The following SCGB1D2 variants were observed in gnomAD, a reference collection of about 807,000 sequenced individuals.
SCGB1D2 encodes the protein secretoglobin family 1D member 2.
Under a neutral mutation model 10.5 loss-of-function variants are expected in SCGB1D2, and 10 were observed. The ratio of observed to expected loss-of-function variants is 0.95; its 90% confidence interval spans 0.59 to 1.61. SCGB1D2 has a LOEUF of 1.61. Ranked by LOEUF, SCGB1D2 falls within the 40% of genes most tolerant of loss-of-function variation. The pLI, the probability that SCGB1D2 is intolerant of heterozygous loss-of-function variation, is 0.00. For missense variants in SCGB1D2, 113 were observed against 103.8 expected, an observed-to-expected ratio of 1.09 and a Z score of -0.38; for synonymous variants, 42 against 42.8, an observed-to-expected ratio of 0.98 and a Z score of 0.08.
rs780278667 is a variant in SCGB1D2 at position 62,242,370 on chromosome 11, C to T, written c.55+8C>T. 3 of 1,613,812 alleles carry T rather than the reference C, an allele frequency of 1.9e-6. No individual in the cohort carries two copies. The East Asian group carries it at 6.7e-5, about 36-fold the overall frequency. On this transcript the variant is annotated splice_region_variant and intron_variant, in intron 1 of 2. Transcript: ENST00000244926. ...CCCTCTGCTGCTACCAGGGTGAGTA[C>T]ATCAGTCATGAGTCTAGCTCCAGCC...
intron 2 of SCGB1D2, 109 bp from the exon 3 acceptor site, chr11:62,244,561 C>A: frequency 2.1e-6 from 2 of 973,696 alleles, no homozygotes; most frequent in Non-Finnish European, 3.1e-6. Context: ...TGCCTCTGCC[C>A]TTCCAATTGC....
chr11:62,244,679 T>C lies in SCGB1D2; in HGVS notation c.253T>C (p.Leu85=). The change falls in exon 3 of 3, where the codon TTG becomes CTG. Residue 85 remains leucine (L), a synonymous_variant. Transcript: ENST00000244926. ...TCTTTTCCTATTTTAGGTGAAAATA[T>C]TGAAGAAATGTAGTGTGTGACATGT... The part of the protein sequence containing the change: ...SLIAEVLVKI[L]KKCSV 1 of 1,613,302 alleles carries C rather than the reference T, an allele frequency of 6.2e-7. No homozygotes were observed. Among genetic ancestry groups the C allele is most frequent in the Non-Finnish European group, 8.5e-7 (1 of 1,179,534 alleles).
chr11:62,243,374 C>T lies in SCGB1D2; in HGVS notation c.141C>T (p.Ala47=). 1 of 1,613,940 alleles carries T rather than the reference C, an allele frequency of 6.2e-7. No homozygotes were observed. The highest frequency in any genetic ancestry group is 8.5e-7 in the Non-Finnish European group (1 of 1,179,806). ...ISEPLFKLSL[A]KFDAPPEAVA... ...AACCTCTGTTCAAGTTAAGTCTTGC[C>T]AAATTTGATGCCCCTCCGGAAGCTG... The change falls in exon 2 of 3, where the codon GCC becomes GCT. Residue 47 remains alanine (A), a synonymous_variant. Transcript: ENST00000244926.
At chr11:62,244,444 C>T (rs1047260403) in intron 2 of SCGB1D2, among the ~76,000 whole-genome samples, 4 of 152,160 alleles carry the variant, frequency 2.6e-5, no homozygotes, top group Non-Finnish European at 5.9e-5. Flanking sequence ...GGCCTCATTC[C>T]CGGATCACCC....
chr11:62,244,720 G>C lies in SCGB1D2; in HGVS notation c.*21G>C. On this transcript the variant is annotated 3_prime_UTR_variant, in exon 3 of 3. Coordinates refer to ENST00000244926, the MANE Select transcript of SCGB1D2 (RefSeq NM_006551.4). ...TGTGACATGTAAAAACTTTCATCCT[G>C]GTTTCCACTGTCTTTCAATGACACC... is the stretch of plus-strand genomic sequence containing the variant. The C allele has an allele frequency of 6.2e-7, 1 of 1,602,038 alleles. No homozygotes were observed. The highest frequency in any genetic ancestry group is 8.6e-7 in the Non-Finnish European group (1 of 1,169,506).
chr11:62,243,340 T>C lies in SCGB1D2; in HGVS notation c.107T>C (p.Phe36Ser), dbSNP rs773977209. The change falls in exon 2 of 3, where the codon TTC (phenylalanine) becomes TCC (serine). Residue 36 changes from phenylalanine to serine, a missense_variant. By Grantham distance (155) the Phe-to-Ser change is radical. Coordinates refer to ENST00000244926, the MANE Select transcript of SCGB1D2 (RefSeq NM_006551.4). Reference sequence around the variant, plus strand: ...GTTTCTGAGCTGTTAGACTTCTTCTTCATTAGTGAACCTCTGTTCAAGTTA... The same window carrying C: ...GTTTCTGAGCTGTTAGACTTCTTCTCCATTAGTGAACCTCTGTTCAAGTTA... ...ALVSELLDFF[F>S]ISEPLFKLSL... 2 of 1,614,094 alleles carry C rather than the reference T, an allele frequency of 1.2e-6. No individual in the cohort carries two copies. The highest frequency in any genetic ancestry group is 2.2e-5 in the South Asian group (2 of 91,064).
At chr11:62,243,146 C>T in intron 1 of SCGB1D2, 143 bp from the exon 2 acceptor site, 1 of 607,630 alleles carries the variant, frequency 1.6e-6, no homozygotes, top group Non-Finnish European at 2.8e-6. Flanking sequence ...GGAAGTCACA[C>T]CTGAAGGGTC....
Position 62,243,288 on chromosome 11 carries a change from G to A in SCGB1D2, c.56-1G>A, listed in dbSNP as rs1945078876. ...ACTATATTTTTATTCTTTTGCTGCA[G>A]CCAATGCCGAGTTCTGCCCAGCTCT... On this transcript the variant is annotated splice_acceptor_variant, in intron 1 of 2. Transcript: ENST00000244926. LOFTEE classifies it high-confidence loss of function. The A allele has an allele frequency of 6.2e-7, 1 of 1,608,942 alleles. No homozygotes were observed. The highest frequency in any genetic ancestry group is 1.7e-5 in the Admixed American group (1 of 58,928).
In SCGB1D2 at chr11:62,243,272, T is replaced by C; in HGVS notation, c.56-17T>C. The C allele has an allele frequency of 6.2e-7, 1 of 1,606,374 alleles. No homozygotes were observed. The highest frequency in any genetic ancestry group is 8.5e-7 in the Non-Finnish European group (1 of 1,175,158). On this transcript the variant is annotated splice_polypyrimidine_tract_variant and intron_variant, in intron 1 of 2. Coordinates refer to ENST00000244926, the MANE Select transcript of SCGB1D2 (RefSeq NM_006551.4). ...GACTTTCCTAACATCAACTATATTT[T>C]TATTCTTTTGCTGCAGCCAATGCCG...
chr11:62,244,638 AC>A, intron 2 of SCGB1D2, 31 bp from the exon 3 acceptor site: 1 of 1,607,660 alleles, frequency 6.2e-7, no homozygotes. Context: ...AGCATGACTG[AC>A]CCCACCTTCT....
At position 62,243,410 on chromosome 11, in the gene SCGB1D2, G is replaced by T. The variant is rs139603186; in HGVS notation, c.177G>T (p.Lys59Asn). The stretch of plus-strand genomic sequence containing the variant: ...CCCCTCCGGAAGCTGTTGCAGCCAA[G>T]TTAGGAGTGAAGAGATGCACGGATC... ...FDAPPEAVAA[K>N]LGVKRCTDQM... The change falls in exon 2 of 3, where the codon AAG (lysine) becomes AAT (asparagine). Residue 59 changes from lysine to asparagine, a missense_variant. Physicochemically the swap from Lys to Asn is moderately conservative, Grantham distance 94 (BLOSUM62 0). Coordinates refer to ENST00000244926, the MANE Select transcript of SCGB1D2 (RefSeq NM_006551.4). 138 of 1,614,188 alleles carry T rather than the reference G, an allele frequency of 8.5e-5. No homozygotes were observed. In the Middle Eastern group the frequency reaches 1.3e-3, roughly 15 times the overall value.
At chr11:62,243,169 C>G in intron 1 of SCGB1D2, 120 bp from the exon 2 acceptor site, 1 of 730,104 alleles carries the variant, frequency 1.4e-6, no homozygotes, top group Admixed American at 2.7e-5. Flanking sequence ...GCATTGTCAT[C>G]AGCACAACAA....
At chr11:62,243,556 G>C in intron 2 of SCGB1D2, 80 bp downstream of exon 2, 1 of 1,255,186 alleles carries the variant, frequency 8.0e-7, no homozygotes, top group Non-Finnish European at 1.1e-6. Context: ...TGCTCTGTTG[G>C]GGACACAGGT....
At position 62,243,367 on chromosome 11, in the gene SCGB1D2, G is replaced by A. The variant is rs1438866766; in HGVS notation, c.134G>A (p.Ser45Asn). 2.5e-6 allele frequency: 4 copies of A among 1,614,102 alleles called. No individual in the cohort carries two copies. Among genetic ancestry groups the A allele is most frequent in the Non-Finnish European group, 3.4e-6 (4 of 1,179,952 alleles). The change falls in exon 2 of 3, where the codon AGT becomes AAT. Residue 45 changes from serine (S) to asparagine (N), a missense_variant. Ser to Asn is a conservative substitution (Grantham distance 46). Transcript: ENST00000244926. ...FFISEPLFKLSLAKFDAPPEA... is the reference protein window; with the variant it reads ...FFISEPLFKLNLAKFDAPPEA... Reference sequence around the variant, plus strand: ...ATTAGTGAACCTCTGTTCAAGTTAAGTCTTGCCAAATTTGATGCCCCTCCG... The same window carrying A: ...ATTAGTGAACCTCTGTTCAAGTTAAATCTTGCCAAATTTGATGCCCCTCCG...
chr11:62,244,161 C>T (rs1654724228), intron 2 of SCGB1D2, among the ~76,000 whole-genome samples: 1 of 152,184 alleles, frequency 6.6e-6, no homozygotes, highest in Non-Finnish European at 1.5e-5. Context: ...CTGGCTGCCT[C>T]TGAGTTGCTG....
In SCGB1D2 at chr11:62,242,313, G is replaced by T. The variant is rs139214011; in HGVS notation, c.6G>T (p.Lys2Asn). The T allele has an allele frequency of 5.6e-6, 9 of 1,614,134 alleles. No homozygotes were observed. The highest frequency in any genetic ancestry group is 7.6e-6 in the Non-Finnish European group (9 of 1,179,992). The change falls in exon 1 of 3, where the codon AAG becomes AAT. Residue 2 changes from lysine (K) to asparagine (N), a missense_variant. Coordinates refer to ENST00000244926, the MANE Select transcript of SCGB1D2 (RefSeq NM_006551.4). The part of the protein sequence containing the change: M[K>N]LSVCLLLVTL... ...TCACAGCAAAACAAGCCACCATGAA[G>T]CTGTCGGTGTGTCTCCTGCTGGTCA...
rs1945071031 is a variant in SCGB1D2 at position 62,242,476 on chromosome 11, C to A, written c.55+114C>A. Reference sequence around the variant, plus strand: ...TCTGCACAAAACCAAAATTCCAAACCTTTTTCTGTGCTTGTTGAACAAGCC... The same window carrying A: ...TCTGCACAAAACCAAAATTCCAAACATTTTTCTGTGCTTGTTGAACAAGCC... On this transcript the variant is annotated intron_variant, in intron 1 of 2. Coordinates refer to ENST00000244926, the MANE Select transcript of SCGB1D2 (RefSeq NM_006551.4). The A allele has an allele frequency of 4.0e-6, 4 of 990,232 alleles. No homozygotes were observed. In the Admixed American group the frequency reaches 8.3e-5, roughly 21 times the overall value. 61.3% of individuals were successfully genotyped at this position (990,232 alleles called of 1,614,324 possible).
At chr11:62,244,547 T>C (rs1945092975) in intron 2 of SCGB1D2, 123 bp from the exon 3 acceptor site, 2 of 811,306 alleles carry the variant, frequency 2.5e-6, no homozygotes, top group Non-Finnish European at 4.0e-6. Flanking sequence ...CCAAACTGAG[T>C]TGTTGCCTCT....
intron 1 of SCGB1D2, 105 bp downstream of exon 1, chr11:62,242,467 A>AT: frequency 9.0e-7 from 1 of 1,109,388 alleles, no homozygotes; most frequent in Non-Finnish European, 1.3e-6. Context: ...CAAAACCAAA[A>AT]TTCCAAACCT....
Sources: gnomAD v4.1 joint callset for allele counts (sites outside exome capture counted in the v4.1 genomes callset) on GRCh38, gnomAD v4.1.1 for gene constraint, MANE v1.5 for transcripts, NCBI Gene and HGNC (gene_info 2026-07-23, HGNC 2026-07-21) for gene names.